Variants in BCLAF3 observed in about 807,000 individuals in gnomAD.
The protein encoded by BCLAF3 is transient octamer binding factor 1.
In BCLAF3, 24 loss-of-function variants were observed where a neutral mutation model predicts 51.2. That is an observed-to-expected ratio of 0.47 (90% CI 0.34 to 0.66). BCLAF3 has a LOEUF of 0.66. Ranked by LOEUF, BCLAF3 falls within the 30% of genes least tolerant of loss-of-function variation. The pLI, the probability that BCLAF3 is intolerant of heterozygous loss-of-function variation, is 0.01. For synonymous variants in BCLAF3, 152 were observed against 176.6 expected (o/e 0.86, Z 1.10); for missense variants, 465 against 525.1 (o/e 0.89, Z 1.12).
chrX:19,934,593 G>A lies in BCLAF3; in HGVS notation c.1950+1216C>T, dbSNP rs183445878. Among the ~76,000 whole-genome samples, 202 of 111,737 alleles carry A rather than the reference G, an allele frequency of 1.8e-3. 1 individual carries two copies. The highest frequency in any genetic ancestry group is 5.9e-3 in the African/African-American group (181 of 30,775). On this transcript the variant is annotated intron_variant, in intron 10 of 11. Coordinates refer to ENST00000379682, the MANE Select transcript of BCLAF3 (RefSeq NM_001367774.2). ...TTACTCTCATTGAATAAAATCTTTC[G>A]ACATCTATAAATTCTGACTCTCAAG...
intron 10 of BCLAF3, chrX:19,935,581 T>C (rs1188796413): frequency 5.6e-6 from 2 of 358,158 alleles, no homozygotes; most frequent in Non-Finnish European, 9.7e-6. Context: ...CCATGTAATA[T>C]TTGGAAAAGG....
At chrX:19,981,101 T>C (rs185980538) in intron 1 of BCLAF3, among the ~76,000 whole-genome samples, 1 of 110,965 alleles carries the variant, frequency 9.0e-6, no homozygotes, top group East Asian at 2.8e-4. Flanking sequence ...AAAAAATAGA[T>C]ACACCAGATA....
intron 9 of BCLAF3, among the ~76,000 whole-genome samples, chrX:19,936,705 C>T (rs927922244): frequency 1.8e-5 from 2 of 111,758 alleles, no homozygotes; most frequent in East Asian, 2.8e-4. Flanking sequence ...CCATCTTTCT[C>T]GCCATTACTT....
rs186066662 is a variant in BCLAF3 at position 19,948,046 on chromosome X, T to G, written c.1745+2707A>C. ...GAATTAGGATAAAGTGAGAGATTAA[T>G]AAGAAGAGTTGGCAACGATGTGGAG... On this transcript the variant is annotated intron_variant, in intron 8 of 11. Transcript: ENST00000379682. 2.4e-3 allele frequency among the ~76,000 whole-genome samples: 268 copies of G among 112,413 alleles called. 1 individual carries two copies. Among genetic ancestry groups the G allele is most frequent in the African/African-American group, 7.9e-3 (244 of 30,991 alleles).
At chrX:19,978,736 T>G (rs935206739) in intron 1 of BCLAF3, among the ~76,000 whole-genome samples, 1 of 108,705 alleles carries the variant, frequency 9.2e-6, no homozygotes, top group Non-Finnish European at 1.9e-5. Flanking sequence ...ACAGCATCTA[T>G]GCTACAGAGA....
intron 1 of BCLAF3, among the ~76,000 whole-genome samples, chrX:19,986,796 GT>G (rs758844786): frequency 0.023 from 2,111 of 91,153 alleles, 30 homozygotes; most frequent in Non-Finnish European, 0.034. Flanking sequence ...ACTTGAGTCG[GT>G]TTTTTTTTTT....
At chrX:19,985,512 G>A (rs915782524) in intron 1 of BCLAF3, among the ~76,000 whole-genome samples, 1 of 111,524 alleles carries the variant, frequency 9.0e-6, no homozygotes, top group Non-Finnish European at 1.9e-5. Flanking sequence ...CTAAAGCCCA[G>A]GAATTCAAGG....
In BCLAF3 at chrX:19,966,171, A is replaced by G; in HGVS notation, c.520T>C (p.Leu174=). 1 of 1,210,900 alleles carries G rather than the reference A, an allele frequency of 8.3e-7. No individual in the cohort carries two copies. Among genetic ancestry groups the G allele is most frequent in the Non-Finnish European group, 1.1e-6 (1 of 895,166 alleles). ...RFEGKWHEDE[L]RHQRIQEEKY... is the part of the protein sequence containing the mutation. ...TCTTCTTGTATCCTCTGGTGCCTCA[A>G]CTCATCTTCATGCCACTTTCCTTCA... is the stretch of plus-strand genomic sequence containing the variant. The change falls in exon 3 of 12, where the codon TTG becomes CTG. Residue 174 remains leucine (L), a synonymous_variant. Transcript: ENST00000379682.
chrX:19,924,064 C>T (rs200043941), intron 11 of BCLAF3, among the ~76,000 whole-genome samples: 49 of 110,444 alleles, frequency 4.4e-4, no homozygotes, highest in African/African-American at 6.2e-4. Flanking sequence ...CCTCCCAAAG[C>T]GCTGGGATTA....
intron 8 of BCLAF3, among the ~76,000 whole-genome samples, chrX:19,943,457 G>C (rs1240291988): frequency 2.6e-5 from 1 of 38,059 alleles, no homozygotes; most frequent in Non-Finnish European, 3.8e-5. Context: ...GCGTCCCAGA[G>C]ATTCTGGTAT....
intron 8 of BCLAF3, among the ~76,000 whole-genome samples, chrX:19,945,819 G>A (rs1251127942): frequency 9.5e-6 from 1 of 104,764 alleles, no homozygotes; most frequent in Admixed American, 9.9e-5. Context: ...GAGCTTCCTG[G>A]CTGCTTTGTT....
At chrX:19,974,985 G>A (rs1318843489) in intron 1 of BCLAF3, among the ~76,000 whole-genome samples, 1 of 112,121 alleles carries the variant, frequency 8.9e-6, no homozygotes, top group Non-Finnish European at 1.9e-5. Context: ...TAGCTTTGGG[G>A]TGATGAAAAT....
intron 1 of BCLAF3, 110 bp from the exon 2 acceptor site, chrX:19,970,408 T>C: frequency 3.5e-6 from 2 of 574,942 alleles, no homozygotes; most frequent in East Asian, 3.4e-5. Context: ...AGCTTCCTCA[T>C]CTCTAACATG....
chrX:19,990,922 C>CCCGCCGCCGCCGCCGCCGCCGCCG lies in BCLAF3; in HGVS notation c.-73_-50dup, dbSNP rs748679368. ...GAGCCGCTCACCCGGCCGGGAAGCCCCCGCCGCCGCCGCCGCCGCCGCCGC... is the reference window on the plus strand; with the variant it reads ...GAGCCGCTCACCCGGCCGGGAAGCCCCCGCCGCCGCCGCCGCCGCCGCCGCCGCCGCCGCCGCCGCCGCCGCCGC... On this transcript the variant is annotated 5_prime_UTR_variant, in exon 1 of 12. Coordinates refer to ENST00000379682, the MANE Select transcript of BCLAF3 (RefSeq NM_001367774.2). 7.1e-5 allele frequency among the ~76,000 whole-genome samples: 6 copies of CCCGCCGCCGCCGCCGCCGCCGCCG among 84,602 alleles called. No individual in the cohort carries two copies. Among genetic ancestry groups the CCCGCCGCCGCCGCCGCCGCCGCCG allele is most frequent in the African/African-American group, 9.0e-5 (2 of 22,209 alleles). 73.5% of individuals were successfully genotyped at this position (84,602 alleles called of 115,157 possible).
At chrX:19,970,389 T>C (rs1459989104) in intron 1 of BCLAF3, 91 bp from the exon 2 acceptor site, 2 of 743,636 alleles carry the variant, frequency 2.7e-6, no homozygotes, top group African/African-American at 4.1e-5. Flanking sequence ...CTTAAACCCT[T>C]TGTGCCTCAG....
chrX:19,937,549 G>A lies in BCLAF3; in HGVS notation c.1746-17C>T. On this transcript the variant is annotated splice_polypyrimidine_tract_variant and intron_variant, in intron 8 of 11. Transcript: ENST00000379682. ...TGATCATCCCTAATAAGGAAACAGA[G>A]AAAATAAGAATATTTTATTAGTATA... 1 of 842,001 alleles carries A rather than the reference G, an allele frequency of 1.2e-6. No homozygotes were observed. The highest frequency in any genetic ancestry group is 3.3e-5 in the East Asian group (1 of 30,369). The allele number at this position is 842,001 out of a possible 1,213,427, so 69.4% of individuals were successfully genotyped here. A position where few individuals can be genotyped will look rare whatever the true frequency, so the allele number is the denominator to read the frequency against.
At chrX:19,973,618 C>T (rs1023046284) in intron 1 of BCLAF3, among the ~76,000 whole-genome samples, 6 of 111,697 alleles carry the variant, frequency 5.4e-5, no homozygotes, top group Admixed American at 9.6e-5. Flanking sequence ...CTTGACAAAT[C>T]CCTATTCTTT....
At chrX:19,957,101 G>A (rs763991769) in intron 4 of BCLAF3, among the ~76,000 whole-genome samples, 1 of 111,927 alleles carries the variant, frequency 8.9e-6, no homozygotes, top group East Asian at 2.8e-4. Flanking sequence ...TCAGACCAGC[G>A]TTGCCAGGGT....
chrX:19,918,081 G>A, intron 11 of BCLAF3: 1 of 111,095 alleles, frequency 9.0e-6, no homozygotes, highest in Non-Finnish European at 1.9e-5. Context: ...CCTTTCACTA[G>A]GATCTTACAC....
Sources: allele counts gnomAD v4.1 joint callset (sites outside exome capture counted in the v4.1 genomes callset), GRCh38; gene constraint gnomAD v4.1.1; transcripts MANE v1.5; gene names NCBI Gene and HGNC (gene_info 2026-07-23, HGNC 2026-07-21).